The following RNF11 variants were observed in gnomAD, a reference collection of about 807,000 sequenced individuals.
The protein encoded by RNF11 is ring finger protein 11.
RNF11 carries 4 observed loss-of-function variants against 15.8 expected under a neutral mutation model. The observed-to-expected ratio is 0.25, with a 90% CI of 0.12 to 0.58. The LOEUF (loss-of-function observed/expected upper bound fraction) is 0.58. Ranked by LOEUF, RNF11 falls within the 20% of genes least tolerant of loss-of-function variation. RNF11 has a pLI of 0.91. For missense variants in RNF11, 139 were observed against 194.4 expected (o/e 0.71, Z 1.70); for synonymous variants, 68 against 72.3 (o/e 0.94, Z 0.30).
At chr1:51,251,391 C>G in intron 1 of RNF11, 1 of 1,403,244 alleles carries the variant, frequency 7.1e-7, no homozygotes, top group South Asian at 1.2e-5. Context: ...GATGCCACTG[C>G]CGAAACCTCC....
chr1:51,236,620 G>T lies in RNF11; in HGVS notation c.-137G>T. 8.5e-7 allele frequency: 1 copy of T among 1,175,464 alleles called. No homozygotes were observed. The highest frequency in any genetic ancestry group is 1.2e-6 in the Non-Finnish European group (1 of 831,446). The allele number at this position is 1,175,464 out of a possible 1,614,324, so 72.8% of individuals were successfully genotyped here. Reference sequence around the variant, plus strand: ...TGAGCGGCCCCTCGGCGGCACCGTGGGGCGGTGGAGTCGCCTCCGCCTGAT... The same window carrying T: ...TGAGCGGCCCCTCGGCGGCACCGTGTGGCGGTGGAGTCGCCTCCGCCTGAT... On this transcript the variant is annotated 5_prime_UTR_variant, in exon 1 of 3. Transcript: ENST00000242719.
intron 1 of RNF11, chr1:51,251,208 G>C: frequency 7.1e-7 from 1 of 1,400,964 alleles, no homozygotes; most frequent in Non-Finnish European, 9.9e-7. Flanking sequence ...AATGATCTCT[G>C]ATTCCTTAAT....
At chr1:51,237,584 A>G (rs1261607979) in intron 1 of RNF11, among the ~76,000 whole-genome samples, 1 of 151,978 alleles carries the variant, frequency 6.6e-6, no homozygotes, top group Non-Finnish European at 1.5e-5. Context: ...GGCTTGGGAA[A>G]TTCCTTCGGT....
chr1:51,256,301 A>AG lies in RNF11; in HGVS notation c.124-13655_124-13654insG, dbSNP rs535865671. Among the ~76,000 whole-genome samples the AG allele has an allele frequency of 9.8e-4, 149 of 152,288 alleles. 2 individuals are homozygous for AG. The South Asian group carries it at 0.031, about 31-fold the overall frequency. On this transcript the variant is annotated intron_variant, in intron 1 of 2. Transcript: ENST00000242719. ...TTTTGCCATTTGCAGAATGTTGCATATTTGGAATCATACAGTATGTAGCCT... is the reference window on the plus strand; with the variant it reads ...TTTTGCCATTTGCAGAATGTTGCATAGTTTGGAATCATACAGTATGTAGCCT...
At chr1:51,257,461 G>GT (rs996134595) in intron 1 of RNF11, among the ~76,000 whole-genome samples, 81 of 151,992 alleles carry the variant, frequency 5.3e-4, no homozygotes, top group East Asian at 3.3e-3. Context: ...TTTTTTGTTT[G>GT]TTTTTTTGTT....
intron 1 of RNF11, among the ~76,000 whole-genome samples, chr1:51,245,278 G>A (rs1646846660): frequency 1.3e-5 from 2 of 151,914 alleles, no homozygotes; most frequent in Non-Finnish European, 2.9e-5. Flanking sequence ...TCAGTCTCCT[G>A]AATAGCTGGG....
In RNF11 at chr1:51,264,307, TATATATATATAC is replaced by T. The variant is rs1443356582; in HGVS notation, c.124-5647_124-5636del. Among the ~76,000 whole-genome samples, 320 of 102,938 alleles carry T rather than the reference TATATATATATAC, an allele frequency of 3.1e-3. 7 individuals carry two copies. The highest frequency in any genetic ancestry group is 0.012 in the African/African-American group (274 of 22,342). 67.5% of individuals were successfully genotyped at this position (102,938 alleles called of 152,430 possible). A position where few individuals can be genotyped will look rare whatever the true frequency, so the allele number is the denominator to read the frequency against. On this transcript the variant is annotated intron_variant, in intron 1 of 2. Transcript: ENST00000242719. ...AAAAAAATATATATATATATATATATATATATATATACACACACACACACACACACACATTTA... is the reference window on the plus strand; with the variant it reads ...AAAAAAATATATATATATATATATATACACACACACACACACACACATTTA...
At chr1:51,264,905 G>A (rs1342879302) in intron 1 of RNF11, 1 of 152,140 alleles carries the variant, frequency 6.6e-6, no homozygotes, top group Non-Finnish European at 1.5e-5. Flanking sequence ...ATTAGGGCCC[G>A]ATACATTCTT....
chr1:51,252,970 G>C (rs773169937), intron 1 of RNF11, among the ~76,000 whole-genome samples: 5 of 151,790 alleles, frequency 3.3e-5, no homozygotes, highest in Non-Finnish European at 5.9e-5. Context: ...GGGATTATAG[G>C]CGCCCACCAC....
intron 1 of RNF11, among the ~76,000 whole-genome samples, chr1:51,244,097 CTTTTAA>C (rs1271855705): frequency 6.6e-6 from 1 of 152,206 alleles, no homozygotes; most frequent in Non-Finnish European, 1.5e-5. Flanking sequence ...ACACTTTACC[CTTTTAA>C]TTTTAATTAT....
chr1:51,236,716 T>G lies in RNF11; in HGVS notation c.-41T>G. ...CGGAGTGTGCGAACGACCCCACCGC[T>G]GCTTTCTCCTCCCCCAGATCACGCA... On this transcript the variant is annotated 5_prime_UTR_variant, in exon 1 of 3. Transcript: ENST00000242719. 1.2e-6 allele frequency: 2 copies of G among 1,606,126 alleles called. No homozygotes were observed. The highest frequency in any genetic ancestry group is 1.7e-6 in the Non-Finnish European group (2 of 1,176,772).
intron 1 of RNF11, among the ~76,000 whole-genome samples, chr1:51,254,030 G>A (rs960082468): frequency 5.3e-5 from 8 of 151,772 alleles, no homozygotes; most frequent in Non-Finnish European, 7.4e-5. Context: ...AGCTCTACAC[G>A]ATCAATCGGA....
At chr1:51,251,952 G>A (rs1646879889) in intron 1 of RNF11, among the ~76,000 whole-genome samples, 1 of 151,814 alleles carries the variant, frequency 6.6e-6, no homozygotes, top group Admixed American at 6.6e-5. Context: ...GGTAGTGCAT[G>A]CCTGTAATCT....
chr1:51,243,175 T>C (rs1448748533), intron 1 of RNF11, among the ~76,000 whole-genome samples: 1 of 152,234 alleles, frequency 6.6e-6, no homozygotes, highest in Non-Finnish European at 1.5e-5. Context: ...TCCTCAAGAA[T>C]GAGAATGATA....
chr1:51,250,898 G>T, intron 1 of RNF11: 1 of 1,040,398 alleles, frequency 9.6e-7, no homozygotes, highest in Middle Eastern at 3.0e-4. Flanking sequence ...CAGGGATGAG[G>T]TGCACCAGTG....
In RNF11 at chr1:51,271,314, A is replaced by T; in HGVS notation, c.457A>T (p.Thr153Ser). 6.2e-7 allele frequency: 1 copy of T among 1,611,394 alleles called. No homozygotes were observed. Among genetic ancestry groups the T allele is most frequent in the Non-Finnish European group, 8.5e-7 (1 of 1,178,258 alleles). ...VDAALLSSYE[T>S]N is the part of the protein sequence containing the mutation. ...TGCAGCACTGCTTTCATCCTATGAG[A>T]CTAATTGAGCCAGGGTCTCTTATCT... Residue 153 changes from threonine to serine, a missense_variant, in exon 3 of 3, where the codon ACT (threonine) becomes TCT (serine). Physicochemically the swap from Thr to Ser is moderately conservative, Grantham distance 58. Coordinates refer to ENST00000242719, the MANE Select transcript of RNF11 (RefSeq NM_014372.5).
chr1:51,239,178 A>C (rs1286172616), intron 1 of RNF11, among the ~76,000 whole-genome samples: 3 of 152,062 alleles, frequency 2.0e-5, no homozygotes, highest in African/African-American at 7.2e-5. Flanking sequence ...CCCTTTCTTA[A>C]TTGAATATCT....
chr1:51,256,091 A>T (rs1206317461), intron 1 of RNF11, among the ~76,000 whole-genome samples: 2 of 152,174 alleles, frequency 1.3e-5, no homozygotes, highest in Admixed American at 6.5e-5. Flanking sequence ...TTATCACCCC[A>T]AACCCACTGT....
rs1173110327 is a variant in RNF11, at chr1:51,271,228, A to T, written c.371A>T (p.Asp124Val). The change falls in exon 3 of 3, where the codon GAC becomes GTC. Residue 124 changes from aspartate to valine, a missense_variant. Asp to Val is a radical substitution (Grantham distance 152). Coordinates refer to ENST00000242719, the MANE Select transcript of RNF11 (RefSeq NM_014372.5). ...FLPCMHIYHL[D>V]CIDDWLMRSF... ...CCGTGCATGCACATCTATCACCTGG[A>T]CTGTATAGATGACTGGTTGATGAGA... 1 of 1,613,954 alleles carries T rather than the reference A, an allele frequency of 6.2e-7. No individual in the cohort carries two copies. Among genetic ancestry groups the T allele is most frequent in the African/African-American group, 1.3e-5 (1 of 74,894 alleles).
Sources: allele counts gnomAD v4.1 joint callset (sites outside exome capture counted in the v4.1 genomes callset), GRCh38; gene constraint gnomAD v4.1.1; transcripts MANE v1.5; gene names NCBI Gene and HGNC (gene_info 2026-07-23, HGNC 2026-07-21).